The following ENTREP2 variants were observed in gnomAD, a reference collection of about 807,000 sequenced individuals.
ENTREP2 encodes endosomal transmembrane epsin interactor 2.
chr15:29,312,989 C>T, the ENTREP2 span, among the ~76,000 whole-genome samples: 3 of 152,284 alleles, frequency 2.0e-5, no homozygotes, highest in Non-Finnish European at 2.9e-5. Flanking sequence ...AGTGAACACA[C>T]GAATGATCAA....
chr15:29,423,084 A>G, the ENTREP2 span, among the ~76,000 whole-genome samples: 1 of 152,150 alleles, frequency 6.6e-6, no homozygotes, highest in Non-Finnish European at 1.5e-5. Context: ...TTTCATGCAG[A>G]GTCACGGTGC....
the ENTREP2 span, among the ~76,000 whole-genome samples, chr15:29,608,382 T>C: frequency 2.6e-5 from 4 of 152,016 alleles, no homozygotes; most frequent in Non-Finnish European, 5.9e-5. Flanking sequence ...AAACTGCTCC[T>C]TCCTTTCTTT....
the ENTREP2 span, among the ~76,000 whole-genome samples, chr15:29,637,293 G>A: frequency 3.3e-5 from 5 of 152,224 alleles, no homozygotes; most frequent in Non-Finnish European, 7.3e-5. Context: ...GGGTGGCAAT[G>A]ACCACTTGGG....
At chr15:29,604,984 A>G in the ENTREP2 span, among the ~76,000 whole-genome samples, 18 of 152,222 alleles carry the variant, frequency 1.2e-4, no homozygotes, top group Non-Finnish European at 2.9e-5. Context: ...TATTTATAGG[A>G]GTATTCAAAG....
the ENTREP2 span, among the ~76,000 whole-genome samples, chr15:29,513,430 T>C: frequency 2.6e-4 from 40 of 152,320 alleles, no homozygotes; most frequent in African/African-American, 8.7e-4. Flanking sequence ...TTGAAAACCA[T>C]TGGTCAACAT....
At chr15:29,145,110 G>A in the ENTREP2 span, among the ~76,000 whole-genome samples, 2 of 151,956 alleles carry the variant, frequency 1.3e-5, no homozygotes, top group African/African-American at 2.4e-5. Context: ...TCCAACAAAC[G>A]GAAGAGGAAG....
the ENTREP2 span, among the ~76,000 whole-genome samples, chr15:29,428,939 T>C: frequency 6.6e-6 from 1 of 152,238 alleles, no homozygotes. Context: ...ATTGAGGATT[T>C]GCTGGGTGGC....
At chr15:29,497,399 C>G in the ENTREP2 span, among the ~76,000 whole-genome samples, 1 of 152,134 alleles carries the variant, frequency 6.6e-6, no homozygotes, top group Non-Finnish European at 1.5e-5. Context: ...GGATCCTGGA[C>G]TTTTCTTTGA....
At chr15:29,637,171 T>C in the ENTREP2 span, among the ~76,000 whole-genome samples, 2 of 152,152 alleles carry the variant, frequency 1.3e-5, no homozygotes, top group Non-Finnish European at 2.9e-5. Context: ...GCTTAGGAAC[T>C]GATGTCAGAA....
the ENTREP2 span, among the ~76,000 whole-genome samples, chr15:29,275,286 T>C: frequency 2.0e-4 from 30 of 152,200 alleles, no homozygotes; most frequent in African/African-American, 7.2e-4. Context: ...TTAAAGTTAA[T>C]TTGCTTTTAA....
At chr15:29,281,399 AG>A in the ENTREP2 span, among the ~76,000 whole-genome samples, 3 of 152,174 alleles carry the variant, frequency 2.0e-5, no homozygotes, top group African/African-American at 7.2e-5. Flanking sequence ...ATGAGTTGCA[AG>A]GGGTATTTTT....
the ENTREP2 span, chr15:29,234,428 G>A: frequency 1.3e-6 from 2 of 1,514,940 alleles, no homozygotes; most frequent in Middle Eastern, 1.7e-4. Context: ...CATTCCAGTA[G>A]TCCCTCGACC....
the ENTREP2 span, among the ~76,000 whole-genome samples, chr15:29,399,104 C>T: frequency 6.6e-6 from 1 of 152,196 alleles, no homozygotes; most frequent in Non-Finnish European, 1.5e-5. Context: ...GCTTCCCCAC[C>T]CACAGCTTGC....
At chr15:29,176,465 G>A in the ENTREP2 span, among the ~76,000 whole-genome samples, 1 of 152,316 alleles carries the variant, frequency 6.6e-6, no homozygotes, top group African/African-American at 2.4e-5. Context: ...TCAGTAGTTG[G>A]AAGTGGGAAG....
At chr15:29,628,189 A>G in the ENTREP2 span, among the ~76,000 whole-genome samples, 1 of 152,346 alleles carries the variant, frequency 6.6e-6, no homozygotes, top group Middle Eastern at 3.4e-3. Flanking sequence ...ATGGGTATGA[A>G]GTAATATTAC....
the ENTREP2 span, among the ~76,000 whole-genome samples, chr15:29,599,676 C>T: frequency 6.6e-6 from 1 of 152,158 alleles, no homozygotes; most frequent in African/African-American, 2.4e-5. Flanking sequence ...GCACCATTGT[C>T]TTACAAAGCA....
At chr15:29,214,739 G>A in the ENTREP2 span, among the ~76,000 whole-genome samples, 2 of 151,546 alleles carry the variant, frequency 1.3e-5, no homozygotes, top group African/African-American at 4.8e-5. Flanking sequence ...TAATTTCCAT[G>A]TATTTGCATG....
chr15:29,327,735 T>G, the ENTREP2 span, among the ~76,000 whole-genome samples: 1 of 152,194 alleles, frequency 6.6e-6, no homozygotes, highest in Admixed American at 6.5e-5. Context: ...AAGATACCAT[T>G]ACATACCTAT....
the ENTREP2 span, among the ~76,000 whole-genome samples, chr15:29,436,383 T>A: frequency 6.6e-6 from 1 of 152,222 alleles, no homozygotes; most frequent in Non-Finnish European, 1.5e-5. Context: ...GCACTGCCCA[T>A]CTGGCACTGG....
Sources: gnomAD v4.1 joint callset for allele counts (sites outside exome capture counted in the v4.1 genomes callset) on GRCh38, gnomAD v4.1.1 for gene constraint, MANE v1.5 for transcripts, NCBI Gene and HGNC (gene_info 2026-07-23, HGNC 2026-07-21) for gene names.